MBNL3: variants seen among roughly 807,000 people sequenced by gnomAD.
MBNL3 encodes muscleblind like splicing regulator 3.
MBNL3 carries 6 observed loss-of-function variants against 24.5 expected under a neutral mutation model. The ratio of observed to expected loss-of-function variants is 0.25; its 90% CI spans 0.13 to 0.48. The LOEUF is 0.48. Among genes scored for constraint, MBNL3 ranks in the 20% least tolerant of loss-of-function variants. MBNL3 has a pLI of 0.99. For missense variants in MBNL3, 230 were observed against 293.5 expected (o/e 0.78, Z 1.58); for synonymous variants, 100 against 101.7 (o/e 0.98, Z 0.10).
At chrX:132,455,572 A>G (rs1380872742) in intron 1 of MBNL3, among the ~76,000 whole-genome samples, 6 of 112,032 alleles carry the variant, frequency 5.4e-5, no homozygotes, top group Non-Finnish European at 9.4e-5. Context: ...TACTTGGACA[A>G]AATACCTAAA....
At chrX:132,474,702 AT>A (rs762717500) in intron 1 of MBNL3, among the ~76,000 whole-genome samples, 3 of 111,796 alleles carry the variant, frequency 2.7e-5, no homozygotes, top group African/African-American at 9.7e-5. Context: ...CTTCCTTCTC[AT>A]CAGCCAGTAA....
chrX:132,444,269 G>C (rs1945575176), intron 1 of MBNL3, among the ~76,000 whole-genome samples: 1 of 110,637 alleles, frequency 9.0e-6, no homozygotes, highest in Admixed American at 9.7e-5. Context: ...CACTAGAAAA[G>C]AGTTTTGTCA....
chrX:132,404,569 T>C (rs1335580205), intron 3 of MBNL3, among the ~76,000 whole-genome samples: 1 of 112,410 alleles, frequency 8.9e-6, no homozygotes, highest in East Asian at 2.8e-4. Context: ...CAAAACTTTT[T>C]GGTAAACTAA....
At chrX:132,471,576 G>A (rs1947182612) in intron 1 of MBNL3, among the ~76,000 whole-genome samples, 1 of 112,886 alleles carries the variant, frequency 8.9e-6, no homozygotes, top group African/African-American at 3.2e-5. Flanking sequence ...GTGCCAGCTA[G>A]CTACTCAGGA....
At chrX:132,484,000 TA>T (rs1158825083) in intron 1 of MBNL3, among the ~76,000 whole-genome samples, 1 of 112,090 alleles carries the variant, frequency 8.9e-6, no homozygotes, top group Non-Finnish European at 1.9e-5. Context: ...TTTAAATTTT[TA>T]ATCTGGTGAA....
chrX:132,419,468 CAG>C (rs777386270), intron 2 of MBNL3, among the ~76,000 whole-genome samples: 89 of 111,973 alleles, frequency 7.9e-4, no homozygotes, highest in African/African-American at 2.4e-3. Context: ...TATCACAAAG[CAG>C]AGAAAGTCTC....
chrX:132,476,792 T>C (rs928678939), intron 1 of MBNL3, among the ~76,000 whole-genome samples: 1 of 111,398 alleles, frequency 9.0e-6, no homozygotes, highest in Non-Finnish European at 1.9e-5. Context: ...AAGCATCCCA[T>C]AACAAAAAAA....
At chrX:132,404,338 G>A (rs757464555) in intron 3 of MBNL3, among the ~76,000 whole-genome samples, 9 of 112,175 alleles carry the variant, frequency 8.0e-5, no homozygotes, top group Non-Finnish European at 1.7e-4. Context: ...TCACTTCTCT[G>A]TGGTTTTGTT....
chrX:132,379,978 C>T (rs1020202650), intron 8 of MBNL3, among the ~76,000 whole-genome samples: 1 of 112,326 alleles, frequency 8.9e-6, no homozygotes, highest in African/African-American at 3.2e-5. Flanking sequence ...CCCATGTGTC[C>T]ACCTTTCAAC....
Position 132,392,327 on chromosome X carries a change from A to G in MBNL3, c.350T>C (p.Phe117Ser). The change falls in exon 4 of 9, where the codon TTT becomes TCT. Residue 117 changes from phenylalanine (F) to serine (S), a missense_variant. Coordinates refer to ENST00000370853, the MANE Select transcript of MBNL3 (RefSeq NM_001386889.1). Reference sequence around the variant, plus strand: ...AGCTGGAATTGATGGAGTCATAGGAAAAGAACCCTGTATGTTTAAAAGAGA... The same window carrying G: ...AGCTGGAATTGATGGAGTCATAGGAGAAGAACCCTGTATGTTTAAAAGAGA... ...QNAQMSSLGS[F>S]PMTPSIPANP... The G allele has an allele frequency of 8.4e-7, 1 of 1,193,976 alleles. No homozygotes were observed. Among genetic ancestry groups the G allele is most frequent in the Non-Finnish European group, 1.1e-6 (1 of 886,688 alleles).
intron 2 of MBNL3, among the ~76,000 whole-genome samples, chrX:132,417,608 G>A (rs1943417737): frequency 9.0e-6 from 1 of 111,548 alleles, no homozygotes; most frequent in South Asian, 3.8e-4. Context: ...TATTAAGCAC[G>A]AAAAGATTTC....
chrX:132,480,250 C>A (rs868073640), intron 1 of MBNL3, among the ~76,000 whole-genome samples: 2 of 111,676 alleles, frequency 1.8e-5, no homozygotes, highest in Middle Eastern at 4.6e-3. Flanking sequence ...TATTATTTAC[C>A]TTCATTATAT....
chrX:132,384,091 CT>C (rs1336269066), intron 7 of MBNL3, among the ~76,000 whole-genome samples: 1 of 111,982 alleles, frequency 8.9e-6, no homozygotes, highest in African/African-American at 3.2e-5. Flanking sequence ...TCACGTAACA[CT>C]CAAAGAGTCA....
chrX:132,380,015 A>G (rs1458691717), intron 8 of MBNL3, among the ~76,000 whole-genome samples: 1 of 112,613 alleles, frequency 8.9e-6, no homozygotes, highest in Non-Finnish European at 1.9e-5. Context: ...AACATGTTTG[A>G]TACCGAACAT....
At chrX:132,391,227 A>G (rs1305652776) in intron 4 of MBNL3, 144 bp from the exon 5 acceptor site, 2 of 455,267 alleles carry the variant, frequency 4.4e-6, no homozygotes, top group East Asian at 7.4e-5. Context: ...AAGATAAAGA[A>G]TAATGTAAAG....
chrX:132,446,713 C>T (rs1411768193), intron 1 of MBNL3, among the ~76,000 whole-genome samples: 1 of 112,029 alleles, frequency 8.9e-6, no homozygotes, highest in Admixed American at 9.4e-5. Flanking sequence ...CGCCTGTTCA[C>T]TCTGATGAGA....
chrX:132,394,864 C>T (rs778432703), intron 3 of MBNL3, among the ~76,000 whole-genome samples: 1 of 111,549 alleles, frequency 9.0e-6, no homozygotes, highest in African/African-American at 3.2e-5. Flanking sequence ...TTGTTATATG[C>T]TCCAAGTGTA....
intron 1 of MBNL3, among the ~76,000 whole-genome samples, chrX:132,466,177 C>T (rs1205591568): frequency 5.3e-5 from 6 of 112,244 alleles, no homozygotes; most frequent in Non-Finnish European, 1.1e-4. Context: ...ATTTGTAAAA[C>T]GTTGTTCCCC....
chrX:132,433,328 C>A (rs1382681562), intron 2 of MBNL3, among the ~76,000 whole-genome samples: 1 of 112,175 alleles, frequency 8.9e-6, no homozygotes, highest in African/African-American at 3.2e-5. Context: ...GTGTATACAA[C>A]ACAATAACCA....
Sources: allele counts gnomAD v4.1 joint callset (sites outside exome capture counted in the v4.1 genomes callset), GRCh38; gene constraint gnomAD v4.1.1; transcripts MANE v1.5; gene names NCBI Gene and HGNC (gene_info 2026-07-23, HGNC 2026-07-21).